The following CDK19 variants were observed in gnomAD, a reference collection of about 807,000 sequenced individuals.
CDK19 encodes the protein cyclin dependent kinase 19, also known as cyclin-dependent kinase 19.
CDK19 carries 20 observed loss-of-function variants against 68.3 expected under a neutral mutation model. The observed-to-expected ratio is 0.29, with a 90% CI of 0.21 to 0.43. The LOEUF is 0.43. CDK19 is among the 20% of genes least tolerant of loss of function. CDK19 has a pLI of 1.00. For missense variants in CDK19, 339 were observed against 623.5 expected, an observed-to-expected ratio of 0.54 and a Z score of 4.86; for synonymous variants, 221 against 222.8, an observed-to-expected ratio of 0.99 and a Z score of 0.07.
intron 2 of CDK19, among the ~76,000 whole-genome samples, chr6:110,714,745 A>G (rs1029938440): frequency 1.0e-5 from 1 of 95,598 alleles, no homozygotes; most frequent in African/African-American, 4.4e-5. Context: ...TTTTTTTTTA[A>G]TTTTTTGAGA....
intron 1 of CDK19, among the ~76,000 whole-genome samples, chr6:110,800,731 C>T (rs994517751): frequency 2.0e-5 from 3 of 152,092 alleles, no homozygotes; most frequent in African/African-American, 7.2e-5. Flanking sequence ...ACAGAAAAAG[C>T]ATGTGACAAA....
intron 2 of CDK19, among the ~76,000 whole-genome samples, chr6:110,745,082 G>C (rs775454811): frequency 6.6e-6 from 1 of 152,114 alleles, no homozygotes; most frequent in Non-Finnish European, 1.5e-5. Context: ...TAATAGATGT[G>C]ATATTATGGT....
intron 2 of CDK19, among the ~76,000 whole-genome samples, chr6:110,692,951 C>A (rs972923654): frequency 1.3e-4 from 20 of 152,250 alleles, no homozygotes; most frequent in South Asian, 2.1e-4. Flanking sequence ...GAGCCAGGAT[C>A]ACGCCACTGT....
At chr6:110,804,885 G>A (rs1782573867) in intron 1 of CDK19, among the ~76,000 whole-genome samples, 1 of 151,654 alleles carries the variant, frequency 6.6e-6, no homozygotes, top group Non-Finnish European at 1.5e-5. Flanking sequence ...GAACCCAGGA[G>A]GCGGAGCTTG....
intron 1 of CDK19, among the ~76,000 whole-genome samples, chr6:110,774,210 T>C (rs1327225558): frequency 6.6e-6 from 1 of 152,210 alleles, no homozygotes; most frequent in Non-Finnish European, 1.5e-5. Flanking sequence ...GAAAAACTAA[T>C]GCAGCAATAA....
chr6:110,766,825 C>T (rs902878893), intron 1 of CDK19, among the ~76,000 whole-genome samples: 4 of 151,834 alleles, frequency 2.6e-5, no homozygotes, highest in Non-Finnish European at 4.4e-5. Context: ...TATAGTGAGA[C>T]CCTGTCTCTA....
intron 1 of CDK19, among the ~76,000 whole-genome samples, chr6:110,765,323 T>C (rs1187543465): frequency 1.3e-5 from 2 of 152,022 alleles, no homozygotes; most frequent in African/African-American, 2.4e-5. Flanking sequence ...AGGCTGCAAA[T>C]AGCTATGATC....
intron 2 of CDK19, among the ~76,000 whole-genome samples, chr6:110,721,092 T>C (rs1300633210): frequency 6.6e-6 from 1 of 151,226 alleles, no homozygotes; most frequent in African/African-American, 2.4e-5. Context: ...ACAAAAAAAT[T>C]AGCTGGTCGT....
rs1273255637 is a variant in CDK19, at chr6:110,632,021, C to A, written c.646+9G>T. On this transcript the variant is annotated intron_variant, in intron 6 of 12. Coordinates refer to ENST00000368911, the MANE Select transcript of CDK19 (RefSeq NM_015076.5). ...TGACAAGATAGTAAATCATTTTAGA[C>A]CAACTTACCAATGGCCTTTGTATAA... The A allele has an allele frequency of 1.3e-6, 2 of 1,597,688 alleles. No individual in the cohort carries two copies. The highest frequency in any genetic ancestry group is 4.5e-5 in the East Asian group (2 of 44,780).
At chr6:110,630,363 T>C (rs182619272) in intron 6 of CDK19, among the ~76,000 whole-genome samples, 31 of 152,368 alleles carry the variant, frequency 2.0e-4, no homozygotes, top group Non-Finnish European at 1.3e-4. Flanking sequence ...TTCTAAGGCA[T>C]CACCTTTTAC....
chr6:110,790,800 G>C (rs1213729467), intron 1 of CDK19, among the ~76,000 whole-genome samples: 1 of 152,124 alleles, frequency 6.6e-6, no homozygotes, highest in Non-Finnish European at 1.5e-5. Context: ...ATAATAAAAA[G>C]TTATAAATAA....
intron 3 of CDK19, among the ~76,000 whole-genome samples, chr6:110,670,191 T>C (rs191230613): frequency 6.8e-6 from 1 of 146,828 alleles, no homozygotes; most frequent in African/African-American, 2.8e-5. Flanking sequence ...AAAAGTATAG[T>C]CTCCCATTCA....
chr6:110,661,028 C>T (rs1053240787), intron 4 of CDK19, among the ~76,000 whole-genome samples: 2 of 152,208 alleles, frequency 1.3e-5, no homozygotes, highest in Non-Finnish European at 2.9e-5. Flanking sequence ...GGTATACACA[C>T]TATTGTGTAA....
At position 110,614,275 on chromosome 6, in the gene CDK19, A is replaced by T. The variant is rs1291928334; in HGVS notation, c.*260T>A. The T allele has an allele frequency of 3.0e-6, 1 of 330,138 alleles. No individual in the cohort carries two copies. Among genetic ancestry groups the T allele is most frequent in the Non-Finnish European group, 5.6e-6 (1 of 178,414 alleles). The allele number at this position is 330,138 out of a possible 1,614,324, so 20.5% of individuals were successfully genotyped here. A position where few individuals can be genotyped will look rare whatever the true frequency, so the allele number is the denominator to read the frequency against. On this transcript the variant is annotated 3_prime_UTR_variant, in exon 13 of 13. Transcript: ENST00000368911. Reference sequence around the variant, plus strand: ...TGCTGAAGGTTACAGAAGTGCTGGGATTAGATCAGACGCTTTATCAGAGAA... The same window carrying T: ...TGCTGAAGGTTACAGAAGTGCTGGGTTTAGATCAGACGCTTTATCAGAGAA...
rs1777074148 is a variant in CDK19, at chr6:110,734,543, C to CTCTCTCTCTCTCTCTCTG, written c.204+11582_204+11583insCAGAGAGAGAGAGAGAGA. Among the ~76,000 whole-genome samples, 3 of 149,556 alleles carry CTCTCTCTCTCTCTCTCTG rather than the reference C, an allele frequency of 2.0e-5. No homozygotes were observed. The Admixed American group carries it at 2.1e-4, about 10-fold the overall frequency. On this transcript the variant is annotated intron_variant, in intron 2 of 12. Transcript: ENST00000368911. ...CTGCTCTCTCTCTCTCTCTCTCTCT[C>CTCTCTCTCTCTCTCTCTG]TCTCTCTCTCTCTCTCTCATGTCTG...
rs559952465 is a variant in CDK19 at position 110,783,629 on chromosome 6, T to C, written c.128+31380A>G. Among the ~76,000 whole-genome samples, 15 of 148,376 alleles carry C rather than the reference T, an allele frequency of 1.0e-4. 1 individual carries two copies. The East Asian group carries it at 3.1e-3, about 30-fold the overall frequency. Reference sequence around the variant, plus strand: ...CTCCAGCCTGGGTGACAGAGTGAGATTCTGTCTCAAAAAAAAAAAAGAAAA... The same window carrying C: ...CTCCAGCCTGGGTGACAGAGTGAGACTCTGTCTCAAAAAAAAAAAAGAAAA... On this transcript the variant is annotated intron_variant, in intron 1 of 12. Coordinates refer to ENST00000368911, the MANE Select transcript of CDK19 (RefSeq NM_015076.5).
chr6:110,655,687 C>G (rs1009113610), intron 4 of CDK19, among the ~76,000 whole-genome samples: 3 of 151,834 alleles, frequency 2.0e-5, no homozygotes, highest in African/African-American at 7.3e-5. Flanking sequence ...AACTATCTCC[C>G]CTCCTCTCAA....
intron 2 of CDK19, among the ~76,000 whole-genome samples, chr6:110,708,718 T>C (rs1222229818): frequency 1.3e-5 from 2 of 152,298 alleles, no homozygotes; most frequent in East Asian, 3.9e-4. Flanking sequence ...GCAAGGGTGA[T>C]GTAAATTCTT....
intron 1 of CDK19, among the ~76,000 whole-genome samples, chr6:110,811,651 C>T (rs565696437): frequency 6.6e-5 from 10 of 152,172 alleles, no homozygotes; most frequent in Middle Eastern, 6.8e-3. Context: ...TTGTCATGTG[C>T]GACTTCTTAA....
Sources: allele counts gnomAD v4.1 joint callset (sites outside exome capture counted in the v4.1 genomes callset), GRCh38; gene constraint gnomAD v4.1.1; transcripts MANE v1.5; gene names NCBI Gene and HGNC (gene_info 2026-07-23, HGNC 2026-07-21).